The following RAB3C variants were observed in gnomAD, a reference collection of about 807,000 sequenced individuals.
RAB3C encodes ras-related protein Rab-3C.
RAB3C carries 17 observed loss-of-function variants against 26.4 expected under a neutral mutation model. The observed-to-expected ratio is 0.64, with a 90% CI of 0.44 to 0.97. The LOEUF (loss-of-function observed/expected upper bound fraction) is 0.97, where lower values mean the gene tolerates loss of function less well. RAB3C is among the 50% of genes least tolerant of loss of function. The pLI is 0.00. For missense variants in RAB3C, 242 were observed against 281.9 expected (o/e 0.86, Z 1.01); for synonymous variants, 91 against 95.9 (o/e 0.95, Z 0.30).
intron 3 of RAB3C, among the ~76,000 whole-genome samples, chr5:58,808,669 T>G (rs1262402797): frequency 6.6e-6 from 1 of 152,222 alleles, no homozygotes; most frequent in Non-Finnish European, 1.5e-5. Flanking sequence ...CATATCTCAT[T>G]TGTATTTGAT....
At chr5:58,733,302 G>A (rs1017297842) in intron 3 of RAB3C, among the ~76,000 whole-genome samples, 1 of 152,198 alleles carries the variant, frequency 6.6e-6, no homozygotes, top group African/African-American at 2.4e-5. Context: ...CGCAGACCTA[G>A]TGAAGTTGTC....
At chr5:58,718,430 G>T (rs1561299302) in intron 2 of RAB3C, among the ~76,000 whole-genome samples, 1 of 151,934 alleles carries the variant, frequency 6.6e-6, no homozygotes, top group Non-Finnish European at 1.5e-5. Flanking sequence ...GGAGTCAAAG[G>T]CCCCTTATAA....
intron 2 of RAB3C, among the ~76,000 whole-genome samples, chr5:58,652,205 A>C (rs185942775): frequency 6.8e-4 from 104 of 151,924 alleles, no homozygotes; most frequent in African/African-American, 2.4e-3. Context: ...TCAAGTTGGA[A>C]AATATTTTAC....
At chr5:58,835,037 C>T (rs1005215696) in intron 4 of RAB3C, among the ~76,000 whole-genome samples, 1 of 152,096 alleles carries the variant, frequency 6.6e-6, no homozygotes, top group African/African-American at 2.4e-5. Context: ...AATAGCATCC[C>T]CTTTCAATCT....
chr5:58,667,055 T>C (rs1056813330), intron 2 of RAB3C, among the ~76,000 whole-genome samples: 4 of 152,210 alleles, frequency 2.6e-5, no homozygotes, highest in Non-Finnish European at 4.4e-5. Context: ...GTGATAGTTG[T>C]GGCAGACTCT....
In RAB3C at chr5:58,812,002, AT is replaced by A. The variant is rs1484117568; in HGVS notation, c.372-13029del. ...ACTTATGAATATTTAAAGACTCATG[AT>A]TTTTTTAATCCTTGAAGGCTACTGA... On this transcript the variant is annotated intron_variant, in intron 3 of 4. Transcript: ENST00000282878. 1.1e-4 allele frequency among the ~76,000 whole-genome samples: 17 copies of A among 152,274 alleles called. No individual in the cohort carries two copies. In the East Asian group the frequency reaches 2.9e-3, roughly 26 times the overall value.
intron 1 of RAB3C, among the ~76,000 whole-genome samples, chr5:58,597,107 A>ATATAATACATTATATATATT (rs1561260589): frequency 3.1e-5 from 1 of 32,136 alleles, no homozygotes; most frequent in African/African-American, 1.5e-4. Context: ...TATATTATAT[A>ATATAATACATTATATATATT]ATATATATAA....
chr5:58,619,923 T>C (rs934359923), intron 2 of RAB3C, among the ~76,000 whole-genome samples: 2 of 152,030 alleles, frequency 1.3e-5, no homozygotes, highest in Non-Finnish European at 2.9e-5. Context: ...TGGATGAATA[T>C]AGCTCTTCTC....
chr5:58,785,939 A>G (rs1317716420), intron 3 of RAB3C, among the ~76,000 whole-genome samples: 1 of 152,238 alleles, frequency 6.6e-6, no homozygotes, highest in Non-Finnish European at 1.5e-5. Flanking sequence ...GGGAACCCAG[A>G]GGTAAGAAAT....
intron 2 of RAB3C, among the ~76,000 whole-genome samples, chr5:58,637,086 T>A (rs946394435): frequency 2.1e-5 from 3 of 140,084 alleles, no homozygotes; most frequent in Non-Finnish European, 4.6e-5. Flanking sequence ...ATTTTTTTTT[T>A]ATTTCAAAGA....
intron 2 of RAB3C, among the ~76,000 whole-genome samples, chr5:58,711,661 A>T (rs1342817009): frequency 6.6e-6 from 1 of 152,180 alleles, no homozygotes; most frequent in Admixed American, 6.6e-5. Context: ...GAGAAGATAG[A>T]TGATATCATC....
chr5:58,608,221 T>A (rs753350543), intron 1 of RAB3C, among the ~76,000 whole-genome samples: 1 of 151,766 alleles, frequency 6.6e-6, no homozygotes, highest in Admixed American at 6.6e-5. Context: ...AGGCTTAAAA[T>A]AAAGGGATGG....
At chr5:58,613,258 A>G (rs948588428) in intron 1 of RAB3C, among the ~76,000 whole-genome samples, 1 of 152,176 alleles carries the variant, frequency 6.6e-6, no homozygotes, top group Admixed American at 6.6e-5. Flanking sequence ...GCAACAACAC[A>G]GTGGCTTTCC....
intron 2 of RAB3C, among the ~76,000 whole-genome samples, chr5:58,648,569 C>T (rs920889040): frequency 7.9e-5 from 12 of 152,102 alleles, no homozygotes; most frequent in African/African-American, 2.9e-4. Flanking sequence ...AAAGATTTTA[C>T]CACAAGATCT....
At chr5:58,757,442 G>T (rs1020332738) in intron 3 of RAB3C, among the ~76,000 whole-genome samples, 11 of 151,888 alleles carry the variant, frequency 7.2e-5, no homozygotes, top group Non-Finnish European at 1.6e-4. Context: ...ATGGATTACT[G>T]CCACACCCGC....
At chr5:58,731,259 G>C (rs1156245825) in intron 3 of RAB3C, among the ~76,000 whole-genome samples, 2 of 152,098 alleles carry the variant, frequency 1.3e-5, no homozygotes, top group African/African-American at 4.8e-5. Flanking sequence ...GAATTTTCCA[G>C]TGGAATTTTA....
chr5:58,728,640 G>A (rs77094518), intron 3 of RAB3C, among the ~76,000 whole-genome samples: 3 of 152,100 alleles, frequency 2.0e-5, no homozygotes, highest in African/African-American at 7.2e-5. Flanking sequence ...CACCTGTAGA[G>A]CTTTGACAAC....
rs1282298994 is a variant in RAB3C, at chr5:58,858,937, T to G, written c.*7586T>G. ...CCAAACCATGAGAGATTGTCCGACC[T>G]AATGCCACCTGGCAGATGTGTACCC... On this transcript the variant is annotated 3_prime_UTR_variant, in exon 5 of 5. Transcript: ENST00000282878. 6.6e-6 allele frequency: 1 copy of G among 152,204 alleles called. No individual in the cohort carries two copies. Among genetic ancestry groups the G allele is most frequent in the Non-Finnish European group, 1.5e-5 (1 of 68,038 alleles). The allele number at this position is 152,204 out of a possible 1,614,324, so 9.4% of individuals were successfully genotyped here.
intron 3 of RAB3C, among the ~76,000 whole-genome samples, chr5:58,783,023 T>A (rs1401587599): frequency 1.3e-5 from 2 of 152,128 alleles, no homozygotes; most frequent in East Asian, 1.9e-4. Context: ...GGAATGCAGA[T>A]CTGTAACACT....
Sources: gnomAD v4.1 joint callset for allele counts (sites outside exome capture counted in the v4.1 genomes callset) on GRCh38, gnomAD v4.1.1 for gene constraint, MANE v1.5 for transcripts, NCBI Gene and HGNC (gene_info 2026-07-23, HGNC 2026-07-21) for gene names.